RAG1: variants seen among roughly 807,000 people sequenced by gnomAD.
RAG1 encodes V(D)J recombination-activating protein 1.
RAG1 carries 35 observed loss-of-function variants against 62.7 expected under a neutral mutation model. The ratio of observed to expected loss-of-function variants is 0.56; its 90% confidence interval spans 0.43 to 0.74. The LOEUF (loss-of-function observed/expected upper bound fraction) is 0.74. Among genes scored for constraint, RAG1 ranks in the 30% least tolerant of loss-of-function variants. The pLI is 0.00. For synonymous variants in RAG1, 461 were observed against 470.3 expected, an observed-to-expected ratio of 0.98 and a Z score of 0.26; for missense variants, 1,169 against 1,278.6, an observed-to-expected ratio of 0.91 and a Z score of 1.31.
At chr11:36,573,188 A>G in intron 1 of RAG1, 103 bp from the exon 2 acceptor site, 1 of 1,153,096 alleles carries the variant, frequency 8.7e-7, no homozygotes. Flanking sequence ...ATCTTTTGGA[A>G]TACATGAATA....
intron 1 of RAG1, among the ~76,000 whole-genome samples, chr11:36,572,251 C>T (rs375771053): frequency 1.2e-4 from 19 of 152,272 alleles, no homozygotes; most frequent in African/African-American, 4.3e-4. Flanking sequence ...TCTTTCCAAT[C>T]ATGTACTAAG....
chr11:36,544,587 G>A (rs1307264940), intron 3 of RAG1, among the ~76,000 whole-genome samples: 1 of 152,134 alleles, frequency 6.6e-6, no homozygotes, highest in Non-Finnish European at 1.5e-5. Flanking sequence ...CCCAAATGAT[G>A]TCATGTACAT....
At position 36,576,405 on chromosome 11, in the gene RAG1, C is replaced by T; in HGVS notation, c.3101C>T (p.Ser1034Phe). ...SLGDPLGIED[S>F]LESQDSMEF ...GGGGACCCATTAGGCATAGAGGACT[C>T]TCTGGAAAGCCAAGATTCAATGGAA... Residue 1034 changes from serine to phenylalanine, a missense_variant, in exon 2 of 2, where the codon TCT becomes TTT. By Grantham distance (155) the Ser-to-Phe change is radical. Around this residue, in one of 2 missense-constraint regions of RAG1, gnomAD observed 800 missense variants for 943.3 expected, o/e 0.85. Coordinates refer to ENST00000299440, the MANE Select transcript of RAG1 (RefSeq NM_000448.3). 6.2e-7 allele frequency: 1 copy of T among 1,614,164 alleles called. No individual in the cohort carries two copies. The highest frequency in any genetic ancestry group is 8.5e-7 in the Non-Finnish European group (1 of 1,180,036).
chr11:36,549,981 T>C (rs1035786939), intron 3 of RAG1, among the ~76,000 whole-genome samples: 39 of 152,150 alleles, frequency 2.6e-4, no homozygotes, highest in Non-Finnish European at 4.9e-4. Flanking sequence ...TAGATAAAGC[T>C]GGAAACCATC....
At chr11:36,521,998 A>G (rs1264058315) in intron 2 of RAG1, among the ~76,000 whole-genome samples, 2 of 152,162 alleles carry the variant, frequency 1.3e-5, no homozygotes, top group Non-Finnish European at 2.9e-5. Context: ...GTGCTGTTAA[A>G]GGCATTCAGT....
chr11:36,515,420 T>A (rs1859982686), intron 1 of RAG1: 3 of 152,082 alleles, frequency 2.0e-5, no homozygotes, highest in South Asian at 4.2e-4. Flanking sequence ...GATGGCCTGA[T>A]GTCATAATCT....
intron 1 of RAG1, among the ~76,000 whole-genome samples, chr11:36,570,050 C>A (rs775491334): frequency 6.6e-6 from 1 of 152,006 alleles, no homozygotes; most frequent in Non-Finnish European, 1.5e-5. Context: ...AATAATAATG[C>A]CCTTTGGGTA....
intron 3 of RAG1, among the ~76,000 whole-genome samples, chr11:36,541,924 C>A (rs1259857448): frequency 6.6e-6 from 1 of 152,032 alleles, no homozygotes; most frequent in Non-Finnish European, 1.5e-5. Flanking sequence ...TATCAATAGG[C>A]AATATCTGGG....
chr11:36,533,631 C>A (rs1860286319), intron 2 of RAG1, among the ~76,000 whole-genome samples: 2 of 152,178 alleles, frequency 1.3e-5, no homozygotes, highest in African/African-American at 4.8e-5. Context: ...GTCATGATCT[C>A]AGCTAAAATG....
chr11:36,534,477 T>A (rs1860297679), intron 2 of RAG1, among the ~76,000 whole-genome samples: 1 of 152,210 alleles, frequency 6.6e-6, no homozygotes, highest in Non-Finnish European at 1.5e-5. Context: ...GTTTTCCCAG[T>A]GAAACGTGAG....
rs200300629 is a variant in RAG1 at position 36,575,649 on chromosome 11, T to A, written c.2345T>A (p.Val782Asp). The A allele has an allele frequency of 1.9e-6, 3 of 1,614,102 alleles. No homozygotes were observed. The highest frequency in any genetic ancestry group is 2.5e-6 in the Non-Finnish European group (3 of 1,180,010). Residue 782 changes from valine (V) to aspartate (D), a missense_variant, in exon 2 of 2, where the codon GTC becomes GAC. Physicochemically the swap from Val to Asp is radical, Grantham distance 152. Around this residue, in one of 2 missense-constraint regions of RAG1, gnomAD observed 800 missense variants for 943.3 expected, o/e 0.85. Coordinates refer to ENST00000299440, the MANE Select transcript of RAG1 (RefSeq NM_000448.3). This position sits in a 1 kb window ranked among gnomAD's most constrained non-coding sequence, Gnocchi z 4.1. The part of the protein sequence containing the change: ...VEELRDRVKG[V>D]SAKPFIETVP... ...GAACTGCGGGATCGGGTGAAAGGGG[T>A]CTCAGCTAAACCTTTCATTGAGACA...
downstream of RAG1, among the ~76,000 whole-genome samples, chr11:36,539,716 G>A (rs763128212): frequency 6.6e-6 from 1 of 152,182 alleles, no homozygotes; most frequent in Non-Finnish European, 1.5e-5. Flanking sequence ...AACCTCAGGT[G>A]ATCTGCCCAC....
At chr11:36,511,502 G>A (rs1859922064) in intron 1 of RAG1, among the ~76,000 whole-genome samples, 1 of 152,032 alleles carries the variant, frequency 6.6e-6, no homozygotes. Flanking sequence ...ACATAGTATG[G>A]GCTCAATAAA....
upstream of RAG1, among the ~76,000 whole-genome samples, chr11:36,565,291 G>A (rs553316033): frequency 6.6e-6 from 1 of 152,324 alleles, no homozygotes; most frequent in East Asian, 1.9e-4. Flanking sequence ...ATTGCTGTCT[G>A]GGAAGAGATT....
downstream of RAG1, among the ~76,000 whole-genome samples, chr11:36,539,648 C>T (rs138246778): frequency 4.4e-3 from 665 of 152,190 alleles, 10 homozygotes; most frequent in African/African-American, 0.015. Flanking sequence ...CCACGCCTGG[C>T]GATATTTTTA....
At chr11:36,562,519 A>G (rs1230260237) in intron 3 of RAG1, among the ~76,000 whole-genome samples, 1 of 152,186 alleles carries the variant, frequency 6.6e-6, no homozygotes, top group Non-Finnish European at 1.5e-5. Flanking sequence ...GCACTCCAAC[A>G]CCTGGGTTTT....
intron 3 of RAG1, among the ~76,000 whole-genome samples, chr11:36,560,881 G>A (rs1226226327): frequency 1.3e-5 from 2 of 152,162 alleles, no homozygotes; most frequent in Non-Finnish European, 2.9e-5. Flanking sequence ...ATGATTCAGA[G>A]GGTTTCGTCA....
chr11:36,545,731 T>C (rs553185520), intron 3 of RAG1, among the ~76,000 whole-genome samples: 3 of 152,316 alleles, frequency 2.0e-5, no homozygotes, highest in African/African-American at 7.2e-5. Context: ...CAAACCATGA[T>C]GCAATTAACA....
rs528399337 is a variant in RAG1 at position 36,524,348 on chromosome 11, A to G, written n.428+4119A>G. ...TAGAACTTAAAGTATAATAAAAAAA[A>G]AAAAGAAAAGAAAAGAAATGGCAAA... On this transcript the variant is annotated intron_variant and non_coding_transcript_variant, in intron 2 of 2. Coordinates refer to the RAG1 transcript ENST00000529126. Among the ~76,000 whole-genome samples the G allele has an allele frequency of 1.6e-4, 24 of 151,698 alleles. 1 individual carries two copies. Among genetic ancestry groups the G allele is most frequent in the Non-Finnish European group, 2.1e-4 (14 of 67,862 alleles).
Sources: allele counts gnomAD v4.1 joint callset (sites outside exome capture counted in the v4.1 genomes callset), GRCh38; gene constraint gnomAD v4.1.1; regional missense constraint gnomAD v4.1.1; non-coding constraint Gnocchi (gnomAD v3.1); transcripts MANE v1.5; gene names NCBI Gene and HGNC (gene_info 2026-07-23, HGNC 2026-07-21).